The following LARGE1 variants were observed in gnomAD, a reference collection of about 807,000 sequenced individuals.
The protein encoded by LARGE1 is xylosyl- and glucuronyltransferase LARGE1.
LARGE1 carries 43 observed loss-of-function variants against 87.6 expected under a neutral mutation model. The observed-to-expected ratio is 0.49, with a 90% CI of 0.38 to 0.63. The LOEUF (loss-of-function observed/expected upper bound fraction) is 0.63. Among genes scored for constraint, LARGE1 ranks in the 30% least tolerant of loss-of-function variants. The pLI, the probability that LARGE1 is intolerant of heterozygous loss-of-function variation, is 0.00. For missense variants in LARGE1, 802 were observed against 1,000.2 expected, an observed-to-expected ratio of 0.80 and a Z score of 2.67; for synonymous variants, 434 against 394.6, an observed-to-expected ratio of 1.10 and a Z score of -1.18.
chr22:33,815,960 C>T (rs562975222), intron 1 of LARGE1, among the ~76,000 whole-genome samples: 22 of 152,282 alleles, frequency 1.4e-4, no homozygotes, highest in Non-Finnish European at 2.9e-4. Flanking sequence ...CTGTTCATCA[C>T]CTCCAAAAAC....
intron 6 of LARGE1, among the ~76,000 whole-genome samples, chr22:33,547,773 G>A (rs944736110): frequency 7.1e-5 from 8 of 112,214 alleles, no homozygotes; most frequent in South Asian, 3.2e-4. Flanking sequence ...CAGCCTGGAC[G>A]ACAGAGTGAG....
intron 1 of LARGE1, among the ~76,000 whole-genome samples, chr22:33,886,687 A>AAGGG (rs1204396330): frequency 7.1e-6 from 1 of 140,946 alleles, no homozygotes; most frequent in South Asian, 2.4e-4. Context: ...AAAAAAAAGG[A>AAGGG]AGGGAGGGAG....
intron 11 of LARGE1, among the ~76,000 whole-genome samples, chr22:33,244,423 C>G (rs967066219): frequency 6.6e-6 from 1 of 152,124 alleles, no homozygotes; most frequent in African/African-American, 2.4e-5. Flanking sequence ...GGCTAAGCAA[C>G]TTTTTAGAAG....
At chr22:33,566,269 T>C (rs2078022591) in intron 5 of LARGE1, among the ~76,000 whole-genome samples, 5 of 152,232 alleles carry the variant, frequency 3.3e-5, no homozygotes, top group Admixed American at 2.6e-4. Context: ...GATAGCATAC[T>C]ATGTAATTGT....
At chr22:33,824,518 T>C (rs1162012747) in intron 1 of LARGE1, among the ~76,000 whole-genome samples, 1 of 152,038 alleles carries the variant, frequency 6.6e-6, no homozygotes, top group Non-Finnish European at 1.5e-5. Context: ...CTCCAACACA[T>C]GGGGATTACA....
At chr22:33,408,125 C>G (rs186112180) in intron 7 of LARGE1, among the ~76,000 whole-genome samples, 1 of 151,872 alleles carries the variant, frequency 6.6e-6, no homozygotes, top group Non-Finnish European at 1.5e-5. Flanking sequence ...GGATTACAGG[C>G]GTGCAACACC....
chr22:33,788,071 T>C (rs1306780013), intron 1 of LARGE1, among the ~76,000 whole-genome samples: 1 of 152,162 alleles, frequency 6.6e-6, no homozygotes, highest in African/African-American at 2.4e-5. Context: ...CCATACTTGG[T>C]ATTATTTGTT....
At position 33,384,273 on chromosome 22, in the gene LARGE1, C is replaced by T. The variant is rs528836583; in HGVS notation, c.924G>A (p.Arg308=). The change falls in exon 8 of 15, where the codon CGG becomes CGA. Residue 308 remains arginine (R), a synonymous_variant. Coordinates refer to ENST00000397394, the MANE Select transcript of LARGE1 (RefSeq NM_133642.5). ...GVILLLLDKL[R]KMKWEQMWRL... is the part of the protein sequence containing the mutation. ...TCCACATCTGCTCCCATTTCATCTT[C>T]CGCAGCTTATCCAGAAGTAACAGGA... The T allele has an allele frequency of 7.6e-5, 123 of 1,614,080 alleles. 2 individuals carry two copies. In the South Asian group the frequency reaches 1.3e-3, roughly 17 times the overall value.
intron 1 of LARGE1, among the ~76,000 whole-genome samples, chr22:33,841,741 G>T (rs1030393559): frequency 6.6e-6 from 1 of 152,174 alleles, no homozygotes; most frequent in Non-Finnish European, 1.5e-5. Flanking sequence ...GCTAAAGGGT[G>T]GGTGTGAGTG....
chr22:33,451,343 A>G (rs1001793833), intron 6 of LARGE1, among the ~76,000 whole-genome samples: 5 of 143,262 alleles, frequency 3.5e-5, no homozygotes, highest in Admixed American at 1.4e-4. Flanking sequence ...TCAGCTGCCA[A>G]AAAAATTCTT....
At chr22:33,396,870 G>A (rs2065764036) in intron 7 of LARGE1, among the ~76,000 whole-genome samples, 1 of 152,278 alleles carries the variant, frequency 6.6e-6, no homozygotes, top group East Asian at 1.9e-4. Flanking sequence ...GGACACAAAC[G>A]GTTTGGTGGC....
At chr22:33,825,542 G>A (rs2062757210) in intron 1 of LARGE1, among the ~76,000 whole-genome samples, 1 of 151,984 alleles carries the variant, frequency 6.6e-6, no homozygotes, top group African/African-American at 2.4e-5. Flanking sequence ...AAGGAGAAAC[G>A]CTGACCAAAA....
the LARGE1 span, among the ~76,000 whole-genome samples, chr22:33,121,093 A>G: frequency 2.0e-5 from 3 of 152,000 alleles, no homozygotes; most frequent in African/African-American, 4.8e-5. Flanking sequence ...CCTGTTAGCC[A>G]TTGATGTCCT....
the LARGE1 span, among the ~76,000 whole-genome samples, chr22:33,072,956 C>T: frequency 6.6e-6 from 1 of 152,200 alleles, no homozygotes; most frequent in East Asian, 1.9e-4. Flanking sequence ...ATGCTCAGCA[C>T]AGACATTTCT....
At chr22:33,593,872 T>C (rs5999027) in intron 5 of LARGE1, among the ~76,000 whole-genome samples, 89,543 of 152,030 alleles carry the variant, frequency 0.59, 26,742 homozygotes, top group African/African-American at 0.7. Flanking sequence ...GATGAGTTGC[T>C]GTTTTATTTC....
At chr22:33,693,099 A>G (rs2082141705) in intron 2 of LARGE1, among the ~76,000 whole-genome samples, 1 of 152,210 alleles carries the variant, frequency 6.6e-6, no homozygotes, top group Non-Finnish European at 1.5e-5. Context: ...CTCTGCAGCA[A>G]CCTCGATGGA....
At position 33,630,570 on chromosome 22, in the gene LARGE1, A is replaced by G. The variant is rs140863882; in HGVS notation, c.409-4244T>C. ...AGTATTTCTATCTCTTAACATAGAA[A>G]AAGTACAGTAAAAATATAATATAAG... On this transcript the variant is annotated intron_variant, in intron 3 of 14. Coordinates refer to ENST00000397394, the MANE Select transcript of LARGE1 (RefSeq NM_133642.5). Among the ~76,000 whole-genome samples the G allele has an allele frequency of 3.9e-3, 589 of 152,298 alleles. 3 individuals carry two copies. The highest frequency in any genetic ancestry group is 0.014 in the African/African-American group (572 of 41,570).
chr22:33,522,258 T>A (rs982638493), intron 6 of LARGE1, among the ~76,000 whole-genome samples: 2 of 152,116 alleles, frequency 1.3e-5, no homozygotes, highest in African/African-American at 4.8e-5. Context: ...GCAAGACAAA[T>A]TTTTGGTGAA....
intron 6 of LARGE1, among the ~76,000 whole-genome samples, chr22:33,528,742 C>A (rs544144817): frequency 2.6e-5 from 4 of 152,074 alleles, no homozygotes; most frequent in Admixed American, 6.5e-5. Context: ...GGGGGCATAA[C>A]GAGGTATGTT....
Sources: gnomAD v4.1 joint callset for allele counts (sites outside exome capture counted in the v4.1 genomes callset) on GRCh38, gnomAD v4.1.1 for gene constraint, MANE v1.5 for transcripts, NCBI Gene and HGNC (gene_info 2026-07-23, HGNC 2026-07-21) for gene names.